Variants in OAS2 observed in about 807,000 individuals in gnomAD.
OAS2 encodes the protein 2'-5'-oligoadenylate synthetase 2.
In OAS2, 67 loss-of-function variants were observed where a neutral mutation model predicts 71.3. That is an observed-to-expected ratio of 0.94 (90% confidence interval 0.77 to 1.15). The LOEUF is 1.15. Among genes scored for constraint, OAS2 ranks in the 50% most tolerant of loss-of-function variants. OAS2 has a pLI of 0.00. For synonymous variants in OAS2, 327 were observed against 321.8 expected (o/e 1.02, Z -0.17); for missense variants, 789 against 822.5 (o/e 0.96, Z 0.50).
chr12:112,997,459 A>G (rs946083972), intron 3 of OAS2, 61 bp from the exon 4 acceptor site: 11 of 1,417,068 alleles, frequency 7.8e-6, no homozygotes, highest in East Asian at 6.9e-5. Flanking sequence ...TTGATTTCAG[A>G]TCCCTGACAT....
At position 113,009,381 on chromosome 12, in the gene OAS2, G is replaced by A. The variant is rs1472575481; in HGVS notation, c.*126G>A. The A allele has an allele frequency of 2.7e-6, 4 of 1,505,954 alleles. No individual in the cohort carries two copies. Among genetic ancestry groups the A allele is most frequent in the Non-Finnish European group, 2.6e-6 (3 of 1,133,482 alleles). 93.3% of individuals were successfully genotyped at this position (1,505,954 alleles called of 1,614,324 possible). On this transcript the variant is annotated 3_prime_UTR_variant, in exon 10 of 10. Coordinates refer to ENST00000392583, the MANE Select transcript of OAS2 (RefSeq NM_002535.3). Reference sequence around the variant, plus strand: ...CAGCTCACAGGAGCTTAAACAGCTGGTCAGCCCCCTAAGCCCCCACTACAA... The same window carrying A: ...CAGCTCACAGGAGCTTAAACAGCTGATCAGCCCCCTAAGCCCCCACTACAA...
At chr12:112,998,125 A>G in intron 4 of OAS2, 141 bp from the exon 5 acceptor site, 1 of 875,542 alleles carries the variant, frequency 1.1e-6, no homozygotes, top group South Asian at 1.7e-5. Flanking sequence ...TGTCGTAGAC[A>G]AAATCCCTCA....
chr12:112,983,898 T>A (rs2044106505), intron 1 of OAS2, among the ~76,000 whole-genome samples: 1 of 152,238 alleles, frequency 6.6e-6, no homozygotes, highest in Non-Finnish European at 1.5e-5. Context: ...CTGGAGAACA[T>A]TCCCTGTGCT....
chr12:113,004,760 T>C (rs76164365), intron 6 of OAS2, among the ~76,000 whole-genome samples, 174 bp from the exon 7 acceptor site: 69 of 152,340 alleles, frequency 4.5e-4, no homozygotes, highest in Non-Finnish European at 7.8e-4. Context: ...ATAACTGCAT[T>C]ATCTATTAGT....
At chr12:112,992,426 GGAGGGGAGGGGAAGA>G (rs1185200688) in intron 2 of OAS2, among the ~76,000 whole-genome samples, 1 of 151,204 alleles carries the variant, frequency 6.6e-6, no homozygotes, top group African/African-American at 2.4e-5. Flanking sequence ...AAAGAAAAGG[GGAGGGGAGGGGAAGA>G]GAGGGGAGGG....
chr12:113,010,238 A>T lies in OAS2; in HGVS notation c.*983A>T. ...TCTAATTATTAAGATATGCATTATA[A>T]ATAAATACCAAAAAATTGTCTCTGG... On this transcript the variant is annotated 3_prime_UTR_variant, in exon 10 of 10. Transcript: ENST00000392583. 6.8e-7 allele frequency: 1 copy of T among 1,473,862 alleles called. No homozygotes were observed. The allele number at this position is 1,473,862 out of a possible 1,614,324, so 91.3% of individuals were successfully genotyped here.
chr12:112,985,239 T>G (rs947631187), intron 1 of OAS2, among the ~76,000 whole-genome samples: 1 of 152,214 alleles, frequency 6.6e-6, no homozygotes, highest in African/African-American at 2.4e-5. Context: ...ATTAAATAGA[T>G]TTTCTATGCC....
chr12:113,006,418 C>G lies in OAS2; in HGVS notation c.1474C>G (p.Leu492Val), dbSNP rs1269099485. The G allele has an allele frequency of 1.3e-6, 2 of 1,554,942 alleles. No individual in the cohort carries two copies. Among genetic ancestry groups the G allele is most frequent in the African/African-American group, 2.7e-5 (2 of 73,872 alleles). ...CAATCTCTCCCTCATGCCAGGTCAG[C>G]TGAGTTCTGGCTCCACACCCAGCCC... ...VLPAFNALGQ[L>V]SSGSTPSPEV... The change falls in exon 8 of 10, where the codon CTG becomes GTG. Residue 492 changes from leucine (L) to valine (V), a missense_variant. Transcript: ENST00000392583.
At chr12:113,008,534 C>A (rs893344188) in intron 9 of OAS2, among the ~76,000 whole-genome samples, 13 of 152,290 alleles carry the variant, frequency 8.5e-5, no homozygotes, top group African/African-American at 3.1e-4. Context: ...TTAGACTATG[C>A]CTTCATTATG....
chr12:112,988,636 C>T lies in OAS2; in HGVS notation c.448+1328C>T, dbSNP rs1011478667. 4 of 985,286 alleles carry T rather than the reference C, an allele frequency of 4.1e-6. No homozygotes were observed. In the African/African-American group the frequency reaches 5.2e-5, roughly 13 times the overall value. 61.0% of individuals were successfully genotyped at this position (985,286 alleles called of 1,614,324 possible). ...TAAACTTGATTTAACAGCACCAATA[C>T]CCCCTACCTTTAGTGAGCACATCTG... On this transcript the variant is annotated intron_variant, in intron 2 of 9. Transcript: ENST00000392583.
rs1592821471 is a variant in OAS2 at position 113,009,596 on chromosome 12, G to A, written c.*341G>A. 9.8e-6 allele frequency: 10 copies of A among 1,017,396 alleles called. No individual in the cohort carries two copies. Among genetic ancestry groups the A allele is most frequent in the Non-Finnish European group, 1.2e-5 (10 of 851,200 alleles). 63.0% of individuals were successfully genotyped at this position (1,017,396 alleles called of 1,614,324 possible). A position where few individuals can be genotyped will look rare whatever the true frequency, so the allele number is the denominator to read the frequency against. On this transcript the variant is annotated 3_prime_UTR_variant, in exon 10 of 10. Transcript: ENST00000392583. ...GCTTTTGGCTCCACCCTCTTTAGCTGTTAATTTGAGTACTTATGGCCCTGA... is the reference window on the plus strand; with the variant it reads ...GCTTTTGGCTCCACCCTCTTTAGCTATTAATTTGAGTACTTATGGCCCTGA...
chr12:113,004,187 G>A (rs1337620328), intron 6 of OAS2, among the ~76,000 whole-genome samples: 4 of 152,168 alleles, frequency 2.6e-5, no homozygotes, highest in African/African-American at 4.8e-5. Context: ...AGGAGCCGCC[G>A]AAGCCCACCT....
intron 2 of OAS2, among the ~76,000 whole-genome samples, chr12:112,989,952 C>A (rs1044840162): frequency 9.2e-5 from 14 of 152,178 alleles, no homozygotes; most frequent in Non-Finnish European, 1.9e-4. Context: ...TGCATCATTT[C>A]TCTCCCTTCC....
rs757019478 is a variant in OAS2, at chr12:112,987,393, T to G, written c.448+85T>G. On this transcript the variant is annotated intron_variant, in intron 2 of 9. Coordinates refer to ENST00000392583, the MANE Select transcript of OAS2 (RefSeq NM_002535.3). ...TGCAACCTCTAGGCCATGAGTGGGA[T>G]AGATACCACTGCTGCTTTAAAAAAT... 7.1e-6 allele frequency: 11 copies of G among 1,552,022 alleles called. No individual in the cohort carries two copies. In the Admixed American group the frequency reaches 2.2e-4, roughly 31 times the overall value.
At chr12:112,998,487 A>G in intron 5 of OAS2, 77 bp downstream of exon 5, 1 of 1,495,332 alleles carries the variant, frequency 6.7e-7, no homozygotes, top group Non-Finnish European at 9.1e-7. Context: ...GTCTTATCTG[A>G]GAGTACTCTA....
At chr12:112,981,001 A>G (rs2044076485) in intron 1 of OAS2, among the ~76,000 whole-genome samples, 1 of 152,010 alleles carries the variant, frequency 6.6e-6, no homozygotes. Flanking sequence ...CCCATTGGCC[A>G]TTTTGTATGT....
rs111384018 is a variant in OAS2 at position 112,998,119 on chromosome 12, G to A, written c.864-147G>A. Reference sequence around the variant, plus strand: ...CCCAGGGCCAGAGGGGCTTGATGTCGTAGACAAAATCCCTCAGCAGCTTGG... The same window carrying A: ...CCCAGGGCCAGAGGGGCTTGATGTCATAGACAAAATCCCTCAGCAGCTTGG... On this transcript the variant is annotated intron_variant, in intron 4 of 9. Transcript: ENST00000392583. The A allele has an allele frequency of 2.0e-4, 160 of 816,246 alleles. 1 individual carries two copies. The highest frequency in any genetic ancestry group is 8.4e-4 in the South Asian group (48 of 57,028). 50.6% of individuals were successfully genotyped at this position (816,246 alleles called of 1,614,324 possible). A position where few individuals can be genotyped will look rare whatever the true frequency, so the allele number is the denominator to read the frequency against.
intron 1 of OAS2, among the ~76,000 whole-genome samples, chr12:112,984,516 AT>A (rs2044114567): frequency 6.6e-6 from 1 of 152,134 alleles, no homozygotes; most frequent in African/African-American, 2.4e-5. Context: ...TTTTTTATCC[AT>A]TCAGCTTGTC....
At position 113,010,781 on chromosome 12, in the gene OAS2, A is replaced by G; in HGVS notation, c.*1526A>G. 4.7e-6 allele frequency: 1 copy of G among 212,778 alleles called. No homozygotes were observed. Among genetic ancestry groups the G allele is most frequent in the Non-Finnish European group, 9.3e-6 (1 of 107,082 alleles). 13.2% of individuals were successfully genotyped at this position (212,778 alleles called of 1,614,324 possible). A position where few individuals can be genotyped will look rare whatever the true frequency, so the allele number is the denominator to read the frequency against. On this transcript the variant is annotated 3_prime_UTR_variant, in exon 10 of 10. Coordinates refer to ENST00000392583, the MANE Select transcript of OAS2 (RefSeq NM_002535.3). ...CCTCCTTTTTCCTTCCAGTCTAAAA[A>G]AGGAATCCTCTGTGTCTTCAAAGCA...
Sources: gnomAD v4.1 joint callset for allele counts (sites outside exome capture counted in the v4.1 genomes callset) on GRCh38, gnomAD v4.1.1 for gene constraint, MANE v1.5 for transcripts, NCBI Gene and HGNC (gene_info 2026-07-23, HGNC 2026-07-21) for gene names.